The following RNF111 variants were observed in gnomAD, a reference collection of about 807,000 sequenced individuals.
RNF111 encodes the protein E3 ubiquitin-protein ligase Arkadia.
RNF111 carries 17 observed loss-of-function variants against 95.1 expected under a neutral mutation model. The ratio of observed to expected loss-of-function variants is 0.18; its 90% CI spans 0.12 to 0.27. RNF111 has a LOEUF of 0.27. Among genes scored for constraint, RNF111 ranks in the 10% least tolerant of loss-of-function variants. The probability of loss-of-function intolerance (pLI) is 1.00; values close to 1 mark genes in which losing one functional copy is unlikely to be tolerated. For synonymous variants in RNF111, 440 were observed against 414.8 expected (o/e 1.06, Z -0.74); for missense variants, 1,189 against 1,210.4 (o/e 0.98, Z 0.26).
chr15:59,033,471 G>T (rs1015742198), intron 2 of RNF111, among the ~76,000 whole-genome samples: 1 of 152,172 alleles, frequency 6.6e-6, no homozygotes, highest in Non-Finnish European at 1.5e-5. Flanking sequence ...CATTGCCAGA[G>T]ATTTCCTGAG....
At position 59,031,694 on chromosome 15, in the gene RNF111, T is replaced by A. The variant is rs1385304161; in HGVS notation, c.872T>A (p.Val291Asp). The change falls in exon 2 of 14, where the codon GTT becomes GAT. Residue 291 changes from valine to aspartate, a missense_variant. This residue lies in a region of RNF111 where 1,024 missense variants were observed against 925.9 expected (regional missense o/e 1.11). Transcript: ENST00000348370. ...ASENHQNNPA[V>D]PSGSIDEDVV... ...GAAAACCACCAAAACAATCCAGCTG[T>A]TCCCTCAGGTAAAAATGTTTAAGCT... is the stretch of plus-strand genomic sequence containing the variant. 6.3e-7 allele frequency: 1 copy of A among 1,585,616 alleles called. No homozygotes were observed. The highest frequency in any genetic ancestry group is 2.3e-5 in the East Asian group (1 of 44,296).
At chr15:59,051,938 T>C (rs1331958585) in intron 2 of RNF111, among the ~76,000 whole-genome samples, 6 of 152,202 alleles carry the variant, frequency 3.9e-5, no homozygotes, top group African/African-American at 1.4e-4. Flanking sequence ...TTTGAGCTAT[T>C]AAAGGGTTAA....
rs774208427 is a variant in RNF111, at chr15:59,076,068, A to G, written c.1801A>G (p.Ile601Val). ...CCCTGTTTCTTCCTCCCGAGCTGCA[A>G]TCTTTGGCCATCAGGCCGCTGCTGC... Reference protein sequence around the residue: ...CCPVSSSRAAIFGHQAAAAAP... With the variant: ...CCPVSSSRAAVFGHQAAAAAP... Residue 601 changes from isoleucine (I) to valine (V), a missense_variant, in exon 7 of 14, where the codon ATC becomes GTC. By Grantham distance (29) the Ile-to-Val change is conservative. Around this residue, in one of 2 missense-constraint regions of RNF111, gnomAD observed 1,024 missense variants for 925.9 expected, o/e 1.11. Coordinates refer to ENST00000348370, the MANE Select transcript of RNF111 (RefSeq NM_017610.8). The G allele has an allele frequency of 6.2e-6, 10 of 1,614,174 alleles. No homozygotes were observed. The highest frequency in any genetic ancestry group is 8.5e-6 in the Non-Finnish European group (10 of 1,180,042).
chr15:59,008,924 T>C (rs1244699679), intron 1 of RNF111, among the ~76,000 whole-genome samples: 12 of 152,164 alleles, frequency 7.9e-5, no homozygotes. Context: ...GTTCCCCTCC[T>C]GTCCTTTGTG....
chr15:59,004,759 C>T (rs1486443309), intron 1 of RNF111, among the ~76,000 whole-genome samples: 1 of 152,152 alleles, frequency 6.6e-6, no homozygotes. Flanking sequence ...GGAAGTCTAG[C>T]ACTTCCCGTT....
chr15:59,022,653 G>T (rs2040402193), intron 1 of RNF111, among the ~76,000 whole-genome samples: 2 of 152,126 alleles, frequency 1.3e-5, no homozygotes, highest in South Asian at 4.1e-4. Context: ...ACGTCTTTGG[G>T]TTTAGGTTGT....
intron 10 of RNF111, among the ~76,000 whole-genome samples, chr15:59,088,682 C>T (rs2078966398): frequency 6.6e-6 from 1 of 152,176 alleles, no homozygotes; most frequent in Non-Finnish European, 1.5e-5. Flanking sequence ...GCTGCAAACA[C>T]TGAATTAGCA....
intron 11 of RNF111, among the ~76,000 whole-genome samples, 167 bp from the exon 12 acceptor site, chr15:59,090,892 A>C (rs759303592): frequency 6.6e-6 from 1 of 152,174 alleles, no homozygotes; most frequent in African/African-American, 2.4e-5. Flanking sequence ...TGTTTTATAT[A>C]TATACTTATA....
Position 59,084,240 on chromosome 15 carries a change from A to T in RNF111, c.2409A>T (p.Pro803=). ...QTMSSHPRQA[P]ERSAWELGIE... ...TGTCCTCACATCCTCGACAGGCTCC[A>T]GAGAGGTCTGCCTGGTCAGTATCTT... Residue 803 remains proline (P), a synonymous_variant, in exon 9 of 14, where the codon CCA becomes CCT. Transcript: ENST00000348370. 1 of 1,590,002 alleles carries T rather than the reference A, an allele frequency of 6.3e-7. No individual in the cohort carries two copies. The highest frequency in any genetic ancestry group is 8.6e-7 in the Non-Finnish European group (1 of 1,168,570).
chr15:59,093,361 T>TTTC lies in RNF111; in HGVS notation c.2843+721_2843+722insTTC, dbSNP rs1555403300. ...TCTTTTTTTTTTTTTTTTTTTTTTT[T>TTTC]CCTTTTCTGGGAGATGGTCTCCTTC... is the stretch of plus-strand genomic sequence containing the variant. On this transcript the variant is annotated intron_variant, in intron 13 of 13. Transcript: ENST00000348370. 4.2e-3 allele frequency: 1,523 copies of TTTC among 361,788 alleles called. 1 individual carries two copies. Among genetic ancestry groups the TTTC allele is most frequent in the East Asian group, 0.015 (165 of 10,664 alleles). The allele number at this position is 361,788 out of a possible 1,614,324, so 22.4% of individuals were successfully genotyped here.
chr15:59,020,284 G>A (rs1320852562), intron 1 of RNF111, among the ~76,000 whole-genome samples: 1 of 150,640 alleles, frequency 6.6e-6, no homozygotes, highest in Non-Finnish European at 1.5e-5. Context: ...TAGTAAATAT[G>A]CATTATATAT....
chr15:59,032,163 T>C (rs1487337338), intron 2 of RNF111, among the ~76,000 whole-genome samples: 1 of 152,158 alleles, frequency 6.6e-6, no homozygotes, highest in Non-Finnish European at 1.5e-5. Flanking sequence ...AGTCTTGAGC[T>C]CCTGATCTCA....
At chr15:59,071,497 A>G (rs554195664) in intron 6 of RNF111, among the ~76,000 whole-genome samples, 7 of 152,156 alleles carry the variant, frequency 4.6e-5, no homozygotes, top group Admixed American at 1.3e-4. Flanking sequence ...ACCCTGTGCA[A>G]CATGGTGAAA....
At chr15:59,091,977 C>T (rs1332636376) in intron 12 of RNF111, among the ~76,000 whole-genome samples, 4 of 152,214 alleles carry the variant, frequency 2.6e-5, no homozygotes, top group Admixed American at 1.3e-4. Flanking sequence ...ACCTGCCACT[C>T]ACCTCCTGCT....
At chr15:59,045,705 T>C (rs1392233974) in intron 2 of RNF111, among the ~76,000 whole-genome samples, 6 of 152,240 alleles carry the variant, frequency 3.9e-5, no homozygotes, top group Non-Finnish European at 8.8e-5. Context: ...TTTACCACCA[T>C]ACTTAATTCC....
intron 6 of RNF111, among the ~76,000 whole-genome samples, chr15:59,067,378 G>A (rs1325773262): frequency 6.9e-6 from 1 of 144,918 alleles, no homozygotes; most frequent in Non-Finnish European, 1.5e-5. Flanking sequence ...CCTTCTTCCT[G>A]TTTTAGATGG....
chr15:59,051,303 A>C (rs1196284811), intron 2 of RNF111, among the ~76,000 whole-genome samples: 3 of 151,534 alleles, frequency 2.0e-5, no homozygotes, highest in African/African-American at 7.3e-5. Flanking sequence ...AATAAACAAA[A>C]AAAAATTAGC....
At position 59,096,313 on chromosome 15, in the gene RNF111, ACTGT is replaced by A. The variant is rs2079176074; in HGVS notation, c.*1418_*1421del. On this transcript the variant is annotated 3_prime_UTR_variant, in exon 14 of 14. Coordinates refer to ENST00000348370, the MANE Select transcript of RNF111 (RefSeq NM_017610.8). ...GCAAATGCATCCAGTCAGTAATATC[ACTGT>A]CTGTATGTGGAGGACATGTTCCCAT... 5.5e-6 allele frequency: 2 copies of A among 366,360 alleles called. No individual in the cohort carries two copies. Among genetic ancestry groups the A allele is most frequent in the Non-Finnish European group, 9.7e-6 (2 of 206,072 alleles). The allele number at this position is 366,360 out of a possible 1,614,324, so 22.7% of individuals were successfully genotyped here.
At chr15:59,007,825 A>AT (rs2141506034) in intron 1 of RNF111, among the ~76,000 whole-genome samples, 1 of 152,136 alleles carries the variant, frequency 6.6e-6, no homozygotes, top group East Asian at 1.9e-4. Context: ...TCTTTTGCCT[A>AT]TTTTTTGTGG....
Sources: allele counts gnomAD v4.1 joint callset (sites outside exome capture counted in the v4.1 genomes callset), GRCh38; gene constraint gnomAD v4.1.1; regional missense constraint gnomAD v4.1.1; transcripts MANE v1.5; gene names NCBI Gene and HGNC (gene_info 2026-07-23, HGNC 2026-07-21).